MTPN: variants seen among roughly 807,000 people sequenced by gnomAD.
MTPN encodes myotrophin, also known as granule cell differentiation protein.
A neutral mutation model predicts 13.5 loss-of-function variants in MTPN; 2 were observed. That is an observed-to-expected ratio of 0.15 (90% CI 0.06 to 0.47). The LOEUF is 0.47. MTPN is among the 20% of genes least tolerant of loss of function. MTPN has a pLI of 0.97. For synonymous variants in MTPN, 46 were observed against 51.7 expected, an observed-to-expected ratio of 0.89 and a Z score of 0.48; for missense variants, 79 against 137.9, an observed-to-expected ratio of 0.57 and a Z score of 2.14.
chr7:135,932,532 T>C (rs1364931408), intron 3 of MTPN: 1 of 152,140 alleles, frequency 6.6e-6, no homozygotes, highest in African/African-American at 2.4e-5. Flanking sequence ...CTCGTAATTC[T>C]ATACATTAGA....
At chr7:135,965,886 T>C (rs559891314) in intron 1 of MTPN, among the ~76,000 whole-genome samples, 29 of 152,288 alleles carry the variant, frequency 1.9e-4, no homozygotes, top group South Asian at 1.0e-3. Context: ...AAGGAAGGGA[T>C]AGTTTCTGCA....
chr7:135,957,245 A>G (rs762730118), intron 1 of MTPN, among the ~76,000 whole-genome samples: 4 of 152,228 alleles, frequency 2.6e-5, no homozygotes, highest in Non-Finnish European at 4.4e-5. Flanking sequence ...TATTCTGGTG[A>G]GTAGTTTAAA....
rs1427190355 is a variant in MTPN, at chr7:135,951,521, A to G, written c.182T>C (p.Ile61Thr). ...ATGATCACGTCCTCTACGTACATTA[A>G]TATCTGCTCCTTTCAGCAGCAGAAA... ...LEFLLLKGAD[I>T]NAPDKHHITP... The change falls in exon 2 of 4, where the codon ATT becomes ACT. Residue 61 changes from isoleucine (I) to threonine (T), a missense_variant. Physicochemically the swap from Ile to Thr is moderately conservative, Grantham distance 89. Coordinates refer to ENST00000393085, the MANE Select transcript of MTPN (RefSeq NM_145808.4). The G allele has an allele frequency of 1.1e-5, 17 of 1,609,584 alleles. No individual in the cohort carries two copies. The highest frequency in any genetic ancestry group is 1.4e-5 in the Non-Finnish European group (16 of 1,177,252).
At chr7:135,930,734 T>C (rs1364939391) in intron 3 of MTPN, among the ~76,000 whole-genome samples, 1 of 152,170 alleles carries the variant, frequency 6.6e-6, no homozygotes, top group Non-Finnish European at 1.5e-5. Flanking sequence ...AATTCACCAC[T>C]GTACTCCAGC....
intron 3 of MTPN, among the ~76,000 whole-genome samples, chr7:135,948,929 G>A (rs1049927807): frequency 6.6e-6 from 1 of 152,148 alleles, no homozygotes; most frequent in South Asian, 2.1e-4. Flanking sequence ...AAAAAGGTCA[G>A]GGAAAAGGCG....
At chr7:135,942,905 A>G (rs985580143) in intron 3 of MTPN, among the ~76,000 whole-genome samples, 112 of 152,250 alleles carry the variant, frequency 7.4e-4, no homozygotes, top group African/African-American at 2.6e-3. Flanking sequence ...AGAGCTAAAC[A>G]GTTAACGACA....
At chr7:135,942,410 T>C (rs1217662988) in intron 3 of MTPN, among the ~76,000 whole-genome samples, 1 of 152,148 alleles carries the variant, frequency 6.6e-6, no homozygotes, top group African/African-American at 2.4e-5. Flanking sequence ...ATACACATTA[T>C]CTCACTTGAG....
chr7:135,959,846 T>C (rs1437349503), intron 1 of MTPN, among the ~76,000 whole-genome samples: 1 of 151,998 alleles, frequency 6.6e-6, no homozygotes, highest in Non-Finnish European at 1.5e-5. Context: ...CATCTGTTTT[T>C]TTAAGATCAA....
intron 3 of MTPN, among the ~76,000 whole-genome samples, chr7:135,935,078 G>C (rs750474715): frequency 6.6e-6 from 1 of 152,060 alleles, no homozygotes; most frequent in Non-Finnish European, 1.5e-5. Flanking sequence ...CTCCAACAAG[G>C]TGAAGAACAC....
chr7:135,941,855 C>T (rs1461884026), intron 3 of MTPN, among the ~76,000 whole-genome samples: 1 of 151,312 alleles, frequency 6.6e-6, no homozygotes, highest in African/African-American at 2.4e-5. Context: ...TCTTCAAGGA[C>T]AGTCACATAT....
intron 3 of MTPN, among the ~76,000 whole-genome samples, chr7:135,939,782 T>C (rs1483519415): frequency 1.3e-5 from 2 of 152,154 alleles, no homozygotes; most frequent in Non-Finnish European, 2.9e-5. Flanking sequence ...AACAGGTATG[T>C]CTTCCCCAAA....
intron 1 of MTPN, among the ~76,000 whole-genome samples, chr7:135,972,215 ACACGCGCACGCGCGCG>A (rs1010750150): frequency 3.5e-5 from 3 of 85,952 alleles, no homozygotes; most frequent in African/African-American, 1.3e-4. Flanking sequence ...ACACACGCGC[ACACGCGCACGCGCGCG>A]CACACACACA....
Position 135,928,948 on chromosome 7 carries a change from T to G in MTPN, c.*978A>C, listed in dbSNP as rs539940024. 6.0e-6 allele frequency: 1 copy of G among 167,200 alleles called. No homozygotes were observed. The highest frequency in any genetic ancestry group is 2.4e-5 in the African/African-American group (1 of 41,582). The allele number at this position is 167,200 out of a possible 1,614,324, so 10.4% of individuals were successfully genotyped here. On this transcript the variant is annotated 3_prime_UTR_variant, in exon 4 of 4. Coordinates refer to ENST00000393085, the MANE Select transcript of MTPN (RefSeq NM_145808.4). ...GCTTTGGTGCAGTAAGTAATCAGCC[T>G]CCAAGATGGGTCTGAGAGAGGCATT...
At chr7:135,970,543 G>C (rs987281148) in intron 1 of MTPN, among the ~76,000 whole-genome samples, 12 of 151,910 alleles carry the variant, frequency 7.9e-5, no homozygotes, top group Admixed American at 7.9e-4. Flanking sequence ...ATAGTCAATG[G>C]GATATTTTAC....
intron 3 of MTPN, among the ~76,000 whole-genome samples, chr7:135,948,244 G>A (rs1483535758): frequency 2.0e-5 from 3 of 152,078 alleles, no homozygotes; most frequent in Non-Finnish European, 4.4e-5. Flanking sequence ...CATTAAAGAA[G>A]CTTATGCAAT....
At chr7:135,963,174 A>G (rs1357829180) in intron 1 of MTPN, among the ~76,000 whole-genome samples, 6 of 152,040 alleles carry the variant, frequency 3.9e-5, no homozygotes, top group African/African-American at 1.2e-4. Context: ...ACAGTTACGT[A>G]TTATCCTTCC....
At chr7:135,940,961 G>C (rs1359324577) in intron 3 of MTPN, among the ~76,000 whole-genome samples, 1 of 152,140 alleles carries the variant, frequency 6.6e-6, no homozygotes, top group Non-Finnish European at 1.5e-5. Context: ...AACATACCTA[G>C]GCTCATTCAT....
chr7:135,972,231 G>A lies in MTPN; in HGVS notation c.72+4798C>T, dbSNP rs921600748. On this transcript the variant is annotated intron_variant, in intron 1 of 3. Coordinates refer to ENST00000393085, the MANE Select transcript of MTPN (RefSeq NM_145808.4). Reference sequence around the variant, plus strand: ...CACACGCGCACACGCGCACGCGCGCGCACACACACACACACACACACACAC... The same window carrying A: ...CACACGCGCACACGCGCACGCGCGCACACACACACACACACACACACACAC... Among the ~76,000 whole-genome samples, 823 of 124,686 alleles carry A rather than the reference G, an allele frequency of 6.6e-3. 10 individuals are homozygous for A. Among genetic ancestry groups the A allele is most frequent in the African/African-American group, 0.02 (676 of 33,328 alleles). 81.8% of individuals were successfully genotyped at this position (124,686 alleles called of 152,430 possible).
At chr7:135,966,225 A>G (rs1015844949) in intron 1 of MTPN, among the ~76,000 whole-genome samples, 1 of 152,160 alleles carries the variant, frequency 6.6e-6, no homozygotes, top group Admixed American at 6.5e-5. Flanking sequence ...ATTGGGTTAC[A>G]CTGAAAATGC....
Sources: allele counts gnomAD v4.1 joint callset (sites outside exome capture counted in the v4.1 genomes callset), GRCh38; gene constraint gnomAD v4.1.1; transcripts MANE v1.5; gene names NCBI Gene and HGNC (gene_info 2026-07-23, HGNC 2026-07-21).